FBN1: variants seen among roughly 807,000 people sequenced by gnomAD.
FBN1 encodes the protein fibrillin-1.
A neutral mutation model predicts 365.1 loss-of-function variants in FBN1; 29 were observed. The ratio of observed to expected loss-of-function variants is 0.08; its 90% CI spans 0.06 to 0.11. The LOEUF is 0.11. Among genes scored for constraint, FBN1 ranks in the 10% least tolerant of loss-of-function variants. The pLI, the probability that FBN1 is intolerant of heterozygous loss-of-function variation, is 1.00. For synonymous variants in FBN1, 1,210 were observed against 1,270.5 expected (o/e 0.95, Z 1.01); for missense variants, 2,476 against 3,703.2 (o/e 0.67, Z 8.60).
chr15:48,516,819 T>C (rs1011950772), intron 10 of FBN1, among the ~76,000 whole-genome samples: 10 of 152,036 alleles, frequency 6.6e-5, no homozygotes, highest in African/African-American at 2.4e-4. Flanking sequence ...TTACAACATA[T>C]GAAGAACATT....
chr15:48,451,855 C>G (rs979968667), intron 45 of FBN1, among the ~76,000 whole-genome samples: 1 of 152,166 alleles, frequency 6.6e-6, no homozygotes, highest in African/African-American at 2.4e-5. Context: ...CCACTGGCTA[C>G]AAGATACCAT....
intron 15 of FBN1, among the ~76,000 whole-genome samples, chr15:48,506,534 A>C (rs2043709192): frequency 6.6e-6 from 1 of 152,232 alleles, no homozygotes; most frequent in Non-Finnish European, 1.5e-5. Context: ...CTACAACCTG[A>C]AAGGTAACAC....
intron 47 of FBN1, among the ~76,000 whole-genome samples, chr15:48,446,295 G>A (rs549027191): frequency 3.2e-4 from 49 of 152,148 alleles, no homozygotes; most frequent in African/African-American, 1.2e-3. Context: ...TTGAGAGAGA[G>A]AGAGACAGTG....
At chr15:48,485,327 C>G in intron 30 of FBN1, 47 bp downstream of exon 30, 2 of 1,613,894 alleles carry the variant, frequency 1.2e-6, no homozygotes, top group Non-Finnish European at 1.7e-6. Context: ...AACTACTTTA[C>G]TTAGGAACCT....
intron 45 of FBN1, 110 bp downstream of exon 45, chr15:48,452,452 T>C: frequency 7.6e-7 from 1 of 1,318,710 alleles, no homozygotes; most frequent in Non-Finnish European, 1.1e-6. Context: ...AATCTAAATC[T>C]TAACTCATAT....
intron 36 of FBN1, among the ~76,000 whole-genome samples, chr15:48,469,067 CAAAAAAA>C: frequency 1.1e-5 from 1 of 90,692 alleles, no homozygotes; most frequent in East Asian, 2.5e-4. Context: ...GACTCCGTCT[CAAAAAAA>C]AAAAAATATA....
In FBN1 at chr15:48,409,722, G is replaced by C. The variant is rs898458048; in HGVS notation, c.*1268C>G. ...CCAAAACTGTGTATATTTGAGAGGG[G>C]GGCATGATAAATCTATTATAATGAA... is the stretch of plus-strand genomic sequence containing the variant. On this transcript the variant is annotated 3_prime_UTR_variant, in exon 66 of 66. Transcript: ENST00000316623. 6.6e-6 allele frequency: 1 copy of C among 152,068 alleles called. No homozygotes were observed. Among genetic ancestry groups the C allele is most frequent in the African/African-American group, 2.4e-5 (1 of 41,388 alleles). The allele number at this position is 152,068 out of a possible 1,614,324, so 9.4% of individuals were successfully genotyped here.
intron 10 of FBN1, among the ~76,000 whole-genome samples, chr15:48,516,611 A>G (rs2043805446): frequency 6.6e-6 from 1 of 152,174 alleles, no homozygotes; most frequent in Non-Finnish European, 1.5e-5. Context: ...CAGAGTCTTT[A>G]TCTGTATCAA....
At chr15:48,584,816 C>T (rs1466268166) in intron 6 of FBN1, among the ~76,000 whole-genome samples, 1 of 152,206 alleles carries the variant, frequency 6.6e-6, no homozygotes, top group Non-Finnish European at 1.5e-5. Context: ...CTATTACATA[C>T]TTCTTTCCAA....
At chr15:48,493,205 T>C (rs1395780449) in intron 23 of FBN1, among the ~76,000 whole-genome samples, 1 of 152,152 alleles carries the variant, frequency 6.6e-6, no homozygotes, top group Non-Finnish European at 1.5e-5. Context: ...CTCTCAAATG[T>C]ACCAGTCCTT....
chr15:48,488,902 T>G (rs1351203176), intron 25 of FBN1, among the ~76,000 whole-genome samples: 1 of 152,218 alleles, frequency 6.6e-6, no homozygotes, highest in Non-Finnish European at 1.5e-5. Context: ...GAATGAGATA[T>G]TCACTTAATA....
intron 12 of FBN1, 89 bp downstream of exon 12, chr15:48,515,298 A>G: frequency 6.8e-7 from 1 of 1,467,592 alleles, no homozygotes. Context: ...AGTTTGGGGT[A>G]AGTTGTTACA....
intron 6 of FBN1, among the ~76,000 whole-genome samples, chr15:48,551,477 G>A (rs1211992731): frequency 2.6e-5 from 4 of 151,064 alleles, no homozygotes; most frequent in Admixed American, 2.6e-4. Flanking sequence ...TGCAGATCAA[G>A]TCCAAGCCTG....
chr15:48,474,731 G>T, intron 32 of FBN1, 81 bp from the exon 33 acceptor site: 1 of 1,587,912 alleles, frequency 6.3e-7, no homozygotes, highest in South Asian at 1.1e-5. Context: ...TTCAAAAGTT[G>T]ACTTGCCTTC....
At chr15:48,637,192 T>A (rs577234062) in intron 2 of FBN1, among the ~76,000 whole-genome samples, 21 of 152,302 alleles carry the variant, frequency 1.4e-4, no homozygotes, top group African/African-American at 5.1e-4. Context: ...GGACTCTCAC[T>A]GTGACTCCTA....
intron 40 of FBN1, 26 bp from the exon 41 acceptor site, chr15:48,464,047 G>C: frequency 6.2e-7 from 1 of 1,612,438 alleles, no homozygotes; most frequent in Non-Finnish European, 8.5e-7. Flanking sequence ...AAAGTGGTAT[G>C]TGAATATGAA....
intron 43 of FBN1, among the ~76,000 whole-genome samples, chr15:48,458,402 G>C (rs1035009912): frequency 6.6e-6 from 1 of 152,098 alleles, no homozygotes; most frequent in Non-Finnish European, 1.5e-5. Context: ...AATCTCAAAG[G>C]GTTCATTGCT....
At chr15:48,637,082 C>T (rs909454572) in intron 2 of FBN1, among the ~76,000 whole-genome samples, 1 of 152,202 alleles carries the variant, frequency 6.6e-6, no homozygotes, top group Non-Finnish European at 1.5e-5. Context: ...TCGCCTTTGT[C>T]TTTCACAACC....
intron 36 of FBN1, 34 bp from the exon 37 acceptor site, chr15:48,468,568 C>T: frequency 6.2e-7 from 1 of 1,613,314 alleles, no homozygotes; most frequent in South Asian, 1.1e-5. Flanking sequence ...GAGTTATCAC[C>T]TGAGCCAGTG....
Sources: allele counts gnomAD v4.1 joint callset (sites outside exome capture counted in the v4.1 genomes callset), GRCh38; gene constraint gnomAD v4.1.1; transcripts MANE v1.5; gene names NCBI Gene and HGNC (gene_info 2026-07-23, HGNC 2026-07-21).